The following ZXDC variants were observed in gnomAD, a reference collection of about 807,000 sequenced individuals.
ZXDC encodes the protein ZXD family zinc finger C, also known as zinc finger protein ZXDC.
ZXDC carries 58 observed loss-of-function variants against 63.6 expected under a neutral mutation model. The ratio of observed to expected loss-of-function variants is 0.91; its 90% CI spans 0.74 to 1.13. The LOEUF is 1.13. Among genes scored for constraint, ZXDC ranks in the 50% most tolerant of loss-of-function variants. The pLI is 0.00. For synonymous variants in ZXDC, 561 were observed against 496.1 expected, an observed-to-expected ratio of 1.13 and a Z score of -1.74; for missense variants, 1,133 against 1,148.9, an observed-to-expected ratio of 0.99 and a Z score of 0.20.
rs762654557 is a variant in ZXDC at position 126,475,523 on chromosome 3, G to C, written c.343C>G (p.Pro115Ala). 1 of 1,259,626 alleles carries C rather than the reference G, an allele frequency of 7.9e-7. No individual in the cohort carries two copies. Among genetic ancestry groups the C allele is most frequent in the East Asian group, 3.3e-5 (1 of 30,426 alleles). The allele number at this position is 1,259,626 out of a possible 1,614,324, so 78.0% of individuals were successfully genotyped here. ...ASRPEQGPSG[P>A]AAPPGPGVAP... ...ACGCCAGGGCCGGGGGGGGCGGCCGGGCCGCTGGGGCCCTGCTCGGGGCGG... is the reference window on the plus strand; with the variant it reads ...ACGCCAGGGCCGGGGGGGGCGGCCGCGCCGCTGGGGCCCTGCTCGGGGCGG... The change falls in exon 1 of 10, where the codon CCG (proline) becomes GCG (alanine). Residue 115 changes from proline (P) to alanine (A), a missense_variant. Physicochemically the swap from Pro to Ala is conservative, Grantham distance 27. Coordinates refer to ENST00000389709, the MANE Select transcript of ZXDC (RefSeq NM_025112.5).
intron 9 of ZXDC, among the ~76,000 whole-genome samples, chr3:126,439,064 G>A (rs1363332966): frequency 2.6e-5 from 4 of 152,168 alleles, no homozygotes; most frequent in Non-Finnish European, 2.9e-5. Context: ...CTGGGTGCCC[G>A]GCCCTCTGCT....
rs1257461961 is a variant in ZXDC, at chr3:126,475,352, T to C, written c.514A>G (p.Thr172Ala). Residue 172 changes from threonine (T) to alanine (A), a missense_variant, in exon 1 of 10, where the codon ACG becomes GCG. Coordinates refer to ENST00000389709, the MANE Select transcript of ZXDC (RefSeq NM_025112.5). ...GGCTCGGGGCAGCGGTAGCCGGGCG[T>C]GCTGGGGCCGGAGGCCTGGGGCGCG... ...RRAPQASGPS[T>A]PGYRCPEPQC... is the part of the protein sequence containing the mutation. The C allele has an allele frequency of 2.0e-6, 3 of 1,504,520 alleles. No individual in the cohort carries two copies. Among genetic ancestry groups the C allele is most frequent in the Non-Finnish European group, 2.7e-6 (3 of 1,125,352 alleles). 93.2% of individuals were successfully genotyped at this position (1,504,520 alleles called of 1,614,324 possible). A position where few individuals can be genotyped will look rare whatever the true frequency, so the allele number is the denominator to read the frequency against.
rs536527914 is a variant in ZXDC, at chr3:126,440,108, G to A, written c.2395-381C>T. 48 of 1,031,134 alleles carry A rather than the reference G, an allele frequency of 4.7e-5. No individual in the cohort carries two copies. The African/African-American group carries it at 7.2e-4, about 15-fold the overall frequency. The allele number at this position is 1,031,134 out of a possible 1,614,324, so 63.9% of individuals were successfully genotyped here. A position where few individuals can be genotyped will look rare whatever the true frequency, so the allele number is the denominator to read the frequency against. ...CCAGAGTGCTCTCCAGCAAATCCTC[G>A]GGCCCCACAGAGGGCCTTCCCTGCA... On this transcript the variant is annotated intron_variant, in intron 8 of 9. Transcript: ENST00000389709.
At chr3:126,447,265 C>T (rs1038966344) in intron 7 of ZXDC, among the ~76,000 whole-genome samples, 1 of 152,246 alleles carries the variant, frequency 6.6e-6, no homozygotes, top group Non-Finnish European at 1.5e-5. Context: ...AGACCCTACA[C>T]AGGACCTTAC....
chr3:126,471,659 C>G (rs556525416), intron 3 of ZXDC, among the ~76,000 whole-genome samples: 1 of 151,496 alleles, frequency 6.6e-6, no homozygotes, highest in African/African-American at 2.4e-5. Flanking sequence ...ACCATGAAAA[C>G]TTGTAATTAC....
At chr3:126,466,004 A>T (rs1934741815) in intron 5 of ZXDC, 151 bp downstream of exon 5, 8 of 784,028 alleles carry the variant, frequency 1.0e-5, no homozygotes, top group South Asian at 3.7e-5. Context: ...AGTGGCAGAG[A>T]GTGCAAAAGA....
rs528592124 is a variant in ZXDC, at chr3:126,475,028, G to T, written c.838C>A (p.His280Asn). Residue 280 changes from histidine to asparagine, a missense_variant, in exon 1 of 10, where the codon CAC becomes AAC. His to Asn is a moderately conservative substitution (Grantham distance 68). Coordinates refer to ENST00000389709, the MANE Select transcript of ZXDC (RefSeq NM_025112.5). ...CGCTGGTGGGAGCTGAGCTTGGCGT[G>T]CGTGGGGAAGCGCTCGGCGCACACC... ...CEVCAERFPT[H>N]AKLSSHQRSH... 21 of 1,598,286 alleles carry T rather than the reference G, an allele frequency of 1.3e-5. No individual in the cohort carries two copies. The highest frequency in any genetic ancestry group is 1.0e-4 in the South Asian group (9 of 88,748).
intron 8 of ZXDC, chr3:126,439,949 T>G: frequency 7.1e-7 from 1 of 1,402,466 alleles, no homozygotes; most frequent in South Asian, 1.6e-5. Context: ...CAGCAGCTTT[T>G]GCTGGGCCTG....
chr3:126,444,328 C>T (rs113388340), intron 7 of ZXDC, among the ~76,000 whole-genome samples: 87 of 152,210 alleles, frequency 5.7e-4, no homozygotes, highest in South Asian at 2.1e-3. Flanking sequence ...GTCAGGAGAT[C>T]GAGACCATCC....
chr3:126,458,005 G>C (rs1461471435), intron 7 of ZXDC, among the ~76,000 whole-genome samples: 2 of 152,198 alleles, frequency 1.3e-5, no homozygotes, highest in African/African-American at 4.8e-5. Flanking sequence ...AACCAGGCAA[G>C]ACCTAGCAGA....
intron 7 of ZXDC, among the ~76,000 whole-genome samples, chr3:126,455,983 G>C (rs945471113): frequency 4.0e-5 from 6 of 151,404 alleles, no homozygotes; most frequent in Non-Finnish European, 8.8e-5. Context: ...CGGGGCGACA[G>C]AGCAAGACTC....
intron 8 of ZXDC, chr3:126,440,174 A>T: frequency 1.0e-6 from 1 of 1,002,750 alleles, no homozygotes. Context: ...GGACCAGGGC[A>T]GGTAGAGGGG....
At chr3:126,448,869 A>G (rs1933982644) in intron 7 of ZXDC, among the ~76,000 whole-genome samples, 1 of 152,234 alleles carries the variant, frequency 6.6e-6, no homozygotes, top group Non-Finnish European at 1.5e-5. Flanking sequence ...CCTGGCTGGA[A>G]GCGCTGAGAG....
Position 126,461,524 on chromosome 3 carries a change from GT to G in ZXDC, c.2127+10del. On this transcript the variant is annotated intron_variant, in intron 6 of 9. Transcript: ENST00000389709. ...ACCTATATGGTGGTGACTGAATAGA[GT>G]GCTTCATACCAAATAGAAGTTGCCA... 2 of 1,599,052 alleles carry G rather than the reference GT, an allele frequency of 1.3e-6. No individual in the cohort carries two copies. The highest frequency in any genetic ancestry group is 1.7e-6 in the Non-Finnish European group (2 of 1,170,118).
intron 7 of ZXDC, chr3:126,452,345 G>A: frequency 1.0e-6 from 1 of 985,450 alleles, no homozygotes; most frequent in Non-Finnish European, 1.2e-6. Flanking sequence ...TGTGGGAAGA[G>A]TGAGAGGCTT....
chr3:126,449,602 C>T (rs1213026249), intron 7 of ZXDC, among the ~76,000 whole-genome samples: 1 of 152,254 alleles, frequency 6.6e-6, no homozygotes, highest in Non-Finnish European at 1.5e-5. Flanking sequence ...AATCATCGCT[C>T]TGGCTGTGTG....
chr3:126,454,703 C>T (rs1402100654), intron 7 of ZXDC: 1 of 985,358 alleles, frequency 1.0e-6, no homozygotes, highest in African/African-American at 1.7e-5. Context: ...AAGCACCACA[C>T]TTTCTTTCCC....
rs1934542501 is a variant in ZXDC at position 126,461,625 on chromosome 3, ATGGCTTCCTTCC to A, written c.2025_2036del (p.Gln675_Ser678del). 6.2e-7 allele frequency: 1 copy of A among 1,613,494 alleles called. No homozygotes were observed. The highest frequency in any genetic ancestry group is 2.2e-5 in the East Asian group (1 of 44,804). On this transcript the variant is annotated inframe_deletion, in exon 6 of 10. Coordinates refer to ENST00000389709, the MANE Select transcript of ZXDC (RefSeq NM_025112.5). ...TGGGCAACGTGGACTGGGGCAGCCC[ATGGCTTCCTTCC>A]TGCTGCCCAACTGCTCCTGGGCGAG...
chr3:126,447,458 T>A (rs569824828), intron 7 of ZXDC, among the ~76,000 whole-genome samples: 20 of 152,362 alleles, frequency 1.3e-4, no homozygotes, highest in South Asian at 1.0e-3. Flanking sequence ...CTTGAGTTGA[T>A]TCCCCTGGGT....
Sources: allele counts gnomAD v4.1 joint callset (sites outside exome capture counted in the v4.1 genomes callset), GRCh38; gene constraint gnomAD v4.1.1; transcripts MANE v1.5; gene names NCBI Gene and HGNC (gene_info 2026-07-23, HGNC 2026-07-21).